TENM2: variants seen among roughly 807,000 people sequenced by gnomAD.
TENM2 encodes teneurin transmembrane protein 2, also known as teneurin-2.
In TENM2, 52 loss-of-function variants were observed where a neutral mutation model predicts 245.2. The ratio of observed to expected loss-of-function variants is 0.21; its 90% CI spans 0.17 to 0.27. TENM2 has a LOEUF of 0.27. Among genes scored for constraint, TENM2 ranks in the 10% least tolerant of loss-of-function variants. TENM2 has a pLI of 1.00. For synonymous variants in TENM2, 1,363 were observed against 1,438.9 expected, an observed-to-expected ratio of 0.95 and a Z score of 1.19; for missense variants, 3,046 against 3,666.8, an observed-to-expected ratio of 0.83 and a Z score of 4.37.
At chr5:167,200,346 T>C in the TENM2 span, among the ~76,000 whole-genome samples, 1 of 152,076 alleles carries the variant, frequency 6.6e-6, no homozygotes, top group Non-Finnish European at 1.5e-5. Context: ...CAAAGTCCTT[T>C]GCTTTTCACT....
At chr5:167,511,654 C>T (rs1460207862) in intron 2 of TENM2, among the ~76,000 whole-genome samples, 1 of 152,174 alleles carries the variant, frequency 6.6e-6, no homozygotes. Flanking sequence ...TTACAAGCTC[C>T]AGTCAATGGT....
At chr5:168,030,853 CA>C (rs1787080488) in intron 5 of TENM2, among the ~76,000 whole-genome samples, 1 of 152,112 alleles carries the variant, frequency 6.6e-6, no homozygotes. Context: ...CTCCAGAATA[CA>C]TACAGGAGGG....
At chr5:167,772,180 A>T (rs187328413) in intron 2 of TENM2, among the ~76,000 whole-genome samples, 1 of 152,296 alleles carries the variant, frequency 6.6e-6, no homozygotes, top group East Asian at 1.9e-4. Context: ...GTCTTTATAA[A>T]TTAATATGTG....
chr5:167,878,600 TG>T (rs35367921), intron 3 of TENM2, among the ~76,000 whole-genome samples: 2 of 152,010 alleles, frequency 1.3e-5, no homozygotes, highest in Non-Finnish European at 2.9e-5. Context: ...TGTGTGTGTG[TG>T]TGTGTTTCTT....
chr5:167,465,657 G>T (rs984389310), intron 2 of TENM2, among the ~76,000 whole-genome samples: 1 of 152,152 alleles, frequency 6.6e-6, no homozygotes, highest in Admixed American at 6.5e-5. Context: ...GTGAAACCCC[G>T]TGTCTACTAA....
intron 12 of TENM2, among the ~76,000 whole-genome samples, chr5:168,151,052 G>T (rs1292955288): frequency 6.6e-6 from 1 of 151,298 alleles, no homozygotes; most frequent in Non-Finnish European, 1.5e-5. Context: ...ACTGACCCTG[G>T]CTCTCTCTTG....
chr5:168,177,393 A>T (rs990132839), intron 13 of TENM2, among the ~76,000 whole-genome samples: 7 of 152,326 alleles, frequency 4.6e-5, no homozygotes, highest in Middle Eastern at 3.4e-3. Context: ...AGGAACCAAG[A>T]CTCAGAGAGG....
At chr5:168,114,788 G>A (rs1404613722) in intron 9 of TENM2, among the ~76,000 whole-genome samples, 4 of 152,214 alleles carry the variant, frequency 2.6e-5, no homozygotes, top group African/African-American at 4.8e-5. Context: ...CAGTGAGCAC[G>A]CGGCAAACCC....
At chr5:168,007,484 G>A (rs1267734741) in intron 5 of TENM2, among the ~76,000 whole-genome samples, 2 of 152,084 alleles carry the variant, frequency 1.3e-5, no homozygotes, top group Non-Finnish European at 1.5e-5. Flanking sequence ...ATGTGACCTC[G>A]GTGCTACGCC....
chr5:167,240,811 C>T, the TENM2 span, among the ~76,000 whole-genome samples: 10 of 152,130 alleles, frequency 6.6e-5, no homozygotes, highest in East Asian at 3.9e-4. Flanking sequence ...AAAAATTTCC[C>T]GAATGTCTTA....
intron 25 of TENM2, among the ~76,000 whole-genome samples, chr5:168,232,782 G>GAAAGT (rs1258036118): frequency 1.3e-5 from 2 of 152,192 alleles, no homozygotes; most frequent in Non-Finnish European, 2.9e-5. Context: ...CTTAGTGGAG[G>GAAAGT]AAAGTATCAG....
the TENM2 span, among the ~76,000 whole-genome samples, chr5:167,173,350 T>C: frequency 6.6e-6 from 1 of 152,230 alleles, no homozygotes; most frequent in East Asian, 1.9e-4. Context: ...GACGAGAAAT[T>C]ACTCATTCAA....
the TENM2 span, among the ~76,000 whole-genome samples, chr5:167,032,187 C>T: frequency 3.9e-5 from 6 of 152,054 alleles, no homozygotes; most frequent in South Asian, 2.1e-4. Context: ...TATGAGCTTT[C>T]GTAGAATACA....
chr5:168,128,566 G>C (rs1404328938), intron 12 of TENM2, among the ~76,000 whole-genome samples: 1 of 152,182 alleles, frequency 6.6e-6, no homozygotes, highest in East Asian at 1.9e-4. Context: ...AGAGGGGCAG[G>C]GTTAGTGTTT....
chr5:168,191,701 C>T (rs1312197586), intron 14 of TENM2, among the ~76,000 whole-genome samples: 1 of 152,116 alleles, frequency 6.6e-6, no homozygotes, highest in African/African-American at 2.4e-5. Context: ...CTACTTCTCT[C>T]GGCTTCCAAG....
chr5:167,838,376 A>G (rs952182809), intron 2 of TENM2, among the ~76,000 whole-genome samples: 4 of 152,172 alleles, frequency 2.6e-5, no homozygotes, highest in Non-Finnish European at 5.9e-5. Context: ...GAAAACTGTC[A>G]GTACTATTTG....
intron 4 of TENM2, among the ~76,000 whole-genome samples, chr5:167,988,805 A>G (rs1458435187): frequency 1.3e-5 from 2 of 152,206 alleles, no homozygotes; most frequent in East Asian, 3.9e-4. Flanking sequence ...GTTTGATGAC[A>G]TGTGACCTAA....
intron 1 of TENM2, among the ~76,000 whole-genome samples, chr5:167,328,260 G>A (rs1231838425): frequency 1.5e-5 from 2 of 132,750 alleles, no homozygotes; most frequent in South Asian, 2.4e-4. Flanking sequence ...AGGCTGGAGT[G>A]CAGTGGTGCA....
At chr5:168,115,835 A>C (rs1197506219) in intron 9 of TENM2, among the ~76,000 whole-genome samples, 1 of 152,276 alleles carries the variant, frequency 6.6e-6, no homozygotes, top group Middle Eastern at 3.4e-3. Flanking sequence ...CTCAGCCTGC[A>C]CACTGCATTG....
Sources: gnomAD v4.1 joint callset for allele counts (sites outside exome capture counted in the v4.1 genomes callset) on GRCh38, gnomAD v4.1.1 for gene constraint, MANE v1.5 for transcripts, NCBI Gene and HGNC (gene_info 2026-07-23, HGNC 2026-07-21) for gene names.